SLC4A4: variants seen among roughly 807,000 people sequenced by gnomAD.
The protein encoded by SLC4A4 is solute carrier family 4 member 4.
A neutral mutation model predicts 111.5 loss-of-function variants in SLC4A4; 27 were observed. The observed-to-expected ratio is 0.24, with a 90% confidence interval of 0.18 to 0.33. The LOEUF (loss-of-function observed/expected upper bound fraction) is 0.33, where lower values mean the gene tolerates loss of function less well. Ranked by LOEUF, SLC4A4 falls within the 10% of genes least tolerant of loss-of-function variation. SLC4A4 has a pLI of 1.00. For missense variants in SLC4A4, 909 were observed against 1,315.5 expected (o/e 0.69, Z 4.78); for synonymous variants, 443 against 463.4 (o/e 0.96, Z 0.57).
chr4:71,232,926 G>A (rs1218752179), intron 1 of SLC4A4, among the ~76,000 whole-genome samples: 1 of 152,248 alleles, frequency 6.6e-6, no homozygotes, highest in African/African-American at 2.4e-5. Flanking sequence ...AAGGGTTAAT[G>A]TGAGCTAAAC....
intron 5 of SLC4A4, among the ~76,000 whole-genome samples, chr4:71,350,495 A>G (rs1729727781): frequency 6.6e-6 from 1 of 152,010 alleles, no homozygotes; most frequent in South Asian, 2.1e-4. Flanking sequence ...CTCCTGCTTC[A>G]GCCTCCCGAG....
intron 3 of SLC4A4, among the ~76,000 whole-genome samples, chr4:71,323,109 G>T (rs1159759387): frequency 2.6e-5 from 4 of 151,880 alleles, no homozygotes; most frequent in African/African-American, 9.7e-5. Flanking sequence ...GAAGTGTGTG[G>T]CACTAATTTG....
At chr4:71,135,982 A>G (rs1335772196) in intron 2 of SLC4A4, among the ~76,000 whole-genome samples, 1 of 152,202 alleles carries the variant, frequency 6.6e-6, no homozygotes, top group African/African-American at 2.4e-5. Flanking sequence ...GTTCTGATTA[A>G]GTTTTCAAAC....
intron 14 of SLC4A4, among the ~76,000 whole-genome samples, chr4:71,480,308 T>C (rs910247969): frequency 1.3e-5 from 2 of 151,528 alleles, no homozygotes; most frequent in Non-Finnish European, 3.0e-5. Flanking sequence ...ACTTGCCTAG[T>C]TGTGGTGAAA....
At chr4:71,195,829 G>A (rs1032448817) in intron 1 of SLC4A4, among the ~76,000 whole-genome samples, 8 of 152,230 alleles carry the variant, frequency 5.3e-5, no homozygotes, top group African/African-American at 1.4e-4. Context: ...ACTCCAAAGG[G>A]AATGGGATTA....
At chr4:71,207,456 G>C (rs1263479989) in intron 1 of SLC4A4, among the ~76,000 whole-genome samples, 1 of 152,178 alleles carries the variant, frequency 6.6e-6, no homozygotes, top group African/African-American at 2.4e-5. Context: ...TATATCTATA[G>C]GTGCAAATTA....
intron 16 of SLC4A4, among the ~76,000 whole-genome samples, chr4:71,521,776 C>T (rs184163509): frequency 9.9e-5 from 15 of 152,274 alleles, no homozygotes; most frequent in Admixed American, 5.2e-4. Flanking sequence ...GAGGATGAAT[C>T]TGGTGTGACA....
Position 71,510,178 on chromosome 4 carries a change from T to G in SLC4A4, c.2166+12486T>G, listed in dbSNP as rs541859903. ...ATGGGGATTTCTGGGGGCCTCCAGT[T>G]TGTCTTTTTGTCATAATAATAAATC... On this transcript the variant is annotated intron_variant, in intron 16 of 25. Coordinates refer to ENST00000264485, the MANE Select transcript of SLC4A4 (RefSeq NM_001098484.3). Among the ~76,000 whole-genome samples the G allele has an allele frequency of 3.3e-5, 5 of 152,214 alleles. No individual in the cohort carries two copies. In the South Asian group the frequency reaches 8.3e-4, roughly 25 times the overall value.
At chr4:71,556,471 G>C (rs1736481822) in intron 21 of SLC4A4, among the ~76,000 whole-genome samples, 1 of 151,862 alleles carries the variant, frequency 6.6e-6, no homozygotes. Flanking sequence ...AATTCTATGT[G>C]TTTTAGGGGC....
chr4:71,112,798 A>C (rs1305138924), intron 2 of SLC4A4, among the ~76,000 whole-genome samples: 2 of 152,210 alleles, frequency 1.3e-5, no homozygotes, highest in Non-Finnish European at 2.9e-5. Flanking sequence ...TTAATGGAAT[A>C]ATGTCTGGGA....
rs904521535 is a variant in SLC4A4, at chr4:71,179,189, T to C, written c.-1-57387T>C. 2.0e-3 allele frequency among the ~76,000 whole-genome samples: 308 copies of C among 152,152 alleles called. 1 individual carries two copies. The highest frequency in any genetic ancestry group is 3.6e-3 in the Non-Finnish European group (244 of 68,034). ...CTAAAAACTCTCAATAAATTAGGTA[T>C]TGATGGGATGTATCTCAAAATAATA... On this transcript the variant is annotated intron_variant, in intron 2 of 26. Coordinates refer to the SLC4A4 transcript ENST00000649996.
At chr4:71,231,568 G>C (rs1719426120) in intron 1 of SLC4A4, among the ~76,000 whole-genome samples, 1 of 152,196 alleles carries the variant, frequency 6.6e-6, no homozygotes, top group African/African-American at 2.4e-5. Flanking sequence ...AACTTGTACG[G>C]TCAGAGGCCT....
At chr4:71,386,589 C>A in intron 6 of SLC4A4, among the ~76,000 whole-genome samples, 1 of 151,294 alleles carries the variant, frequency 6.6e-6, no homozygotes, top group South Asian at 2.1e-4. Flanking sequence ...TTTTTCTTTT[C>A]TTTTTTTTGG....
chr4:71,443,116 C>CTCTCTATATATATATATA (rs1198759861), intron 8 of SLC4A4, among the ~76,000 whole-genome samples: 2 of 65,654 alleles, frequency 3.0e-5, no homozygotes, highest in African/African-American at 1.7e-4. Flanking sequence ...CTCTCTCTCT[C>CTCTCTATATATATATATA]TATATATATA....
chr4:71,156,569 CGCAT>C (rs1332451738), intron 2 of SLC4A4, among the ~76,000 whole-genome samples: 272 of 11,158 alleles, frequency 0.024, no homozygotes, highest in East Asian at 0.17. Context: ...AGTGTGTGCG[CGCAT>C]GCGCGCGCGC....
chr4:71,430,557 G>A (rs1465681460), intron 7 of SLC4A4, among the ~76,000 whole-genome samples: 2 of 152,106 alleles, frequency 1.3e-5, no homozygotes, highest in Non-Finnish European at 2.9e-5. Context: ...AGACAGAAAT[G>A]CACCTCAAAT....
intron 1 of SLC4A4, among the ~76,000 whole-genome samples, chr4:71,225,749 G>A (rs1013442011): frequency 5.9e-5 from 9 of 152,170 alleles, no homozygotes; most frequent in African/African-American, 2.2e-4. Flanking sequence ...CCAGCCCTGT[G>A]TCCTGGAACA....
chr4:71,378,681 T>C lies in SLC4A4; in HGVS notation c.731-18896T>C, dbSNP rs557814233. On this transcript the variant is annotated intron_variant, in intron 6 of 25. Transcript: ENST00000264485. Reference sequence around the variant, plus strand: ...AAATGCAGTATTCCAGCTACAGATATCAATTTCAAAGTTAATAATGAAATT... The same window carrying C: ...AAATGCAGTATTCCAGCTACAGATACCAATTTCAAAGTTAATAATGAAATT... Among the ~76,000 whole-genome samples the C allele has an allele frequency of 4.6e-5, 7 of 152,342 alleles. No individual in the cohort carries two copies. In the South Asian group the frequency reaches 1.4e-3, roughly 32 times the overall value.
intron 2 of SLC4A4, among the ~76,000 whole-genome samples, chr4:71,171,977 C>G (rs760915971): frequency 6.6e-6 from 1 of 152,168 alleles, no homozygotes; most frequent in African/African-American, 2.4e-5. Flanking sequence ...CTACTTTGTT[C>G]TGTTTGTCTC....
Sources: gnomAD v4.1 joint callset for allele counts (sites outside exome capture counted in the v4.1 genomes callset) on GRCh38, gnomAD v4.1.1 for gene constraint, MANE v1.5 for transcripts, NCBI Gene and HGNC (gene_info 2026-07-23, HGNC 2026-07-21) for gene names.